The following RPRD1A variants were observed in gnomAD, a reference collection of about 807,000 sequenced individuals.
RPRD1A encodes regulation of nuclear pre-mRNA domain-containing protein 1A.
RPRD1A carries 9 observed loss-of-function variants against 37.8 expected under a neutral mutation model. The observed-to-expected ratio is 0.24, with a 90% confidence interval of 0.14 to 0.42. The LOEUF is 0.42. Among genes scored for constraint, RPRD1A ranks in the 10% least tolerant of loss-of-function variants. The pLI is 1.00. For missense variants in RPRD1A, 255 were observed against 371.0 expected (o/e 0.69, Z 2.57); for synonymous variants, 138 against 139.7 (o/e 0.99, Z 0.08).
rs148591937 is a variant in RPRD1A, at chr18:36,001,955, C to T, written c.790-8655G>A. 2.0e-3 allele frequency among the ~76,000 whole-genome samples: 308 copies of T among 152,174 alleles called. 1 individual carries two copies. The highest frequency in any genetic ancestry group is 6.8e-3 in the African/African-American group (282 of 41,486). On this transcript the variant is annotated intron_variant, in intron 6 of 6. Transcript: ENST00000399022. ...CTTTCAACACTTATCTTCTTGCTTG[C>T]ATGGTTCTGCTGAGAAGTCCATAAT...
intron 6 of RPRD1A, among the ~76,000 whole-genome samples, chr18:36,009,832 A>G (rs1381453937): frequency 6.6e-6 from 1 of 152,164 alleles, no homozygotes; most frequent in Non-Finnish European, 1.5e-5. Flanking sequence ...TTTAATTTTG[A>G]TTAAGTTAAA....
chr18:36,034,786 A>C (rs967258920), intron 1 of RPRD1A, among the ~76,000 whole-genome samples: 3 of 152,214 alleles, frequency 2.0e-5, no homozygotes, highest in African/African-American at 7.2e-5. Flanking sequence ...TGATCAGGCT[A>C]CATGTGGTCC....
intron 1 of RPRD1A, among the ~76,000 whole-genome samples, chr18:36,038,099 G>A (rs1912324864): frequency 6.6e-6 from 1 of 152,214 alleles, no homozygotes. Flanking sequence ...ATTTTCTGAA[G>A]AGAAATTCAG....
rs935340069 is a variant in RPRD1A at position 36,027,234 on chromosome 18, G to A, written c.563C>T (p.Ala188Val). 1 of 1,613,390 alleles carries A rather than the reference G, an allele frequency of 6.2e-7. No individual in the cohort carries two copies. Among genetic ancestry groups the A allele is most frequent in the Non-Finnish European group, 8.5e-7 (1 of 1,179,372 alleles). The change falls in exon 5 of 7, where the codon GCT becomes GTT. Residue 188 changes from alanine to valine, a missense_variant. Ala to Val is a moderately conservative substitution (Grantham distance 64, BLOSUM62 0). Coordinates refer to ENST00000399022, the MANE Select transcript of RPRD1A (RefSeq NM_018170.5). ...TTCTTGGACTTCAACAGGTAAAGAA[G>A]CTATCCTCTGATGAACTGCTGCATC... is the stretch of plus-strand genomic sequence containing the variant. The part of the protein sequence containing the change: ...SGDAAVHQRI[A>V]SLPVEVQEVS...
chr18:36,066,791 T>C (rs997212917), intron 1 of RPRD1A, among the ~76,000 whole-genome samples: 1 of 152,242 alleles, frequency 6.6e-6, no homozygotes, highest in African/African-American at 2.4e-5. Flanking sequence ...TTACCCATCT[T>C]CTTATATTAG....
chr18:36,019,503 G>C lies in RPRD1A; in HGVS notation c.789+7397C>G, dbSNP rs1458237041. On this transcript the variant is annotated intron_variant, in intron 6 of 6. Coordinates refer to ENST00000399022, the MANE Select transcript of RPRD1A (RefSeq NM_018170.5). ...TAGGGAGATATGAGAGGGAGCAGAA[G>C]ATCATCTTATAAGCCAGGTAGTACA... 5.9e-5 allele frequency among the ~76,000 whole-genome samples: 9 copies of C among 152,272 alleles called. No individual in the cohort carries two copies. The East Asian group carries it at 1.4e-3, about 23-fold the overall frequency.
intron 1 of RPRD1A, among the ~76,000 whole-genome samples, chr18:36,034,283 A>G (rs1912030242): frequency 1.3e-5 from 2 of 152,294 alleles, no homozygotes; most frequent in African/African-American, 4.8e-5. Flanking sequence ...ATCAATTACT[A>G]TTTTTTGTTT....
intron 1 of RPRD1A, among the ~76,000 whole-genome samples, chr18:36,042,564 T>A (rs1316997877): frequency 1.3e-5 from 2 of 152,216 alleles, no homozygotes; most frequent in Non-Finnish European, 2.9e-5. Flanking sequence ...AAGACAAACT[T>A]CCTTAGCACT....
At chr18:36,042,037 A>G (rs988677744) in intron 1 of RPRD1A, among the ~76,000 whole-genome samples, 1 of 152,282 alleles carries the variant, frequency 6.6e-6, no homozygotes, top group Admixed American at 6.5e-5. Context: ...AAGATTTTCT[A>G]TTGTTTTCCA....
At chr18:36,044,732 T>C (rs561294335) in intron 1 of RPRD1A, among the ~76,000 whole-genome samples, 2 of 151,910 alleles carry the variant, frequency 1.3e-5, no homozygotes, top group African/African-American at 2.4e-5. Context: ...TCAAGTCTCA[T>C]GTCCTCTGGC....
intron 1 of RPRD1A, chr18:36,053,010 T>G (rs1340247505): frequency 2.0e-5 from 3 of 152,236 alleles, no homozygotes; most frequent in Non-Finnish European, 4.4e-5. Context: ...GGATGATTGG[T>G]GGGTGAACAA....
Position 36,067,537 on chromosome 18 carries a change from G to A in RPRD1A, c.-133C>T. The A allele has an allele frequency of 1.1e-6, 1 of 900,072 alleles. No homozygotes were observed. 55.8% of individuals were successfully genotyped at this position (900,072 alleles called of 1,614,324 possible). A position where few individuals can be genotyped will look rare whatever the true frequency, so the allele number is the denominator to read the frequency against. Reference sequence around the variant, plus strand: ...TCACCACGGCCGCCGCTTCATCCAAGACCGGCCGCAAACCAGCAAGATGGC... The same window carrying A: ...TCACCACGGCCGCCGCTTCATCCAAAACCGGCCGCAAACCAGCAAGATGGC... On this transcript the variant is annotated 5_prime_UTR_variant, in exon 1 of 7. Coordinates refer to ENST00000399022, the MANE Select transcript of RPRD1A (RefSeq NM_018170.5).
intron 6 of RPRD1A, among the ~76,000 whole-genome samples, chr18:36,018,763 G>A (rs953869961): frequency 1.3e-5 from 2 of 152,006 alleles, no homozygotes; most frequent in Non-Finnish European, 2.9e-5. Flanking sequence ...TTAATAGAAA[G>A]AATATGGAAG....
rs1407950222 is a variant in RPRD1A at position 36,057,049 on chromosome 18, T to TAAAA, written c.151+10204_151+10205insTTTT. On this transcript the variant is annotated intron_variant, in intron 1 of 6. Transcript: ENST00000399022. The stretch of plus-strand genomic sequence containing the variant: ...CAGCAACACAGCTAGACCCTGTTTC[T>TAAAA]ACAAAAAAAAAAAAAAAAAAAAAAA... Among the ~76,000 whole-genome samples, 72 of 23,296 alleles carry TAAAA rather than the reference T, an allele frequency of 3.1e-3. 2 individuals carry two copies. Among genetic ancestry groups the TAAAA allele is most frequent in the African/African-American group, 0.013 (70 of 5,306 alleles). 15.3% of individuals were successfully genotyped at this position (23,296 alleles called of 152,430 possible). A position where few individuals can be genotyped will look rare whatever the true frequency, so the allele number is the denominator to read the frequency against.
intron 6 of RPRD1A, among the ~76,000 whole-genome samples, chr18:36,004,766 G>A (rs1052337340): frequency 2.6e-5 from 4 of 152,128 alleles, no homozygotes; most frequent in Non-Finnish European, 5.9e-5. Context: ...AGCTGGGCGC[G>A]GTGGCACACA....
intron 6 of RPRD1A, among the ~76,000 whole-genome samples, chr18:36,008,562 C>G (rs1909912151): frequency 1.9e-4 from 1 of 5,226 alleles, no homozygotes; most frequent in Admixed American, 2.2e-3. Context: ...GGCGACACAG[C>G]AAGACCTTGT....
intron 4 of RPRD1A, chr18:36,027,981 C>G (rs1911496570): frequency 6.6e-6 from 1 of 152,014 alleles, no homozygotes; most frequent in Non-Finnish European, 1.5e-5. Context: ...TTTACTTCCA[C>G]TGTTTTCATA....
chr18:36,030,658 T>C, intron 4 of RPRD1A, 150 bp downstream of exon 4: 4 of 579,892 alleles, frequency 6.9e-6, no homozygotes, highest in Non-Finnish European at 1.2e-5. Flanking sequence ...ATAAGCAATT[T>C]GTTAATGAGG....
chr18:36,035,376 A>G lies in RPRD1A; in HGVS notation c.152-1539T>C, dbSNP rs142263316. ...CTATTCCAAGCACTTTACATACATT[A>G]TCTCAATCCTAACAATATGTCTCTA... On this transcript the variant is annotated intron_variant, in intron 1 of 6. Transcript: ENST00000399022. Among the ~76,000 whole-genome samples, 313 of 152,348 alleles carry G rather than the reference A, an allele frequency of 2.1e-3. 1 individual carries two copies. The highest frequency in any genetic ancestry group is 3.4e-3 in the Non-Finnish European group (231 of 68,036).
Sources: allele counts gnomAD v4.1 joint callset (sites outside exome capture counted in the v4.1 genomes callset), GRCh38; gene constraint gnomAD v4.1.1; transcripts MANE v1.5; gene names NCBI Gene and HGNC (gene_info 2026-07-23, HGNC 2026-07-21).